The following ENSA variants were observed in gnomAD, a reference collection of about 807,000 sequenced individuals.
ENSA encodes endosulfine alpha, also known as alpha-endosulfine.
Under a neutral mutation model 16.8 loss-of-function variants are expected in ENSA, and 7 were observed. The observed-to-expected ratio is 0.42, with a 90% CI of 0.24 to 0.78. The LOEUF is 0.78. ENSA is among the 30% of genes least tolerant of loss of function. The pLI, the probability that ENSA is intolerant of heterozygous loss-of-function variation, is 0.29. For synonymous variants in ENSA, 58 were observed against 53.4 expected, an observed-to-expected ratio of 1.09 and a Z score of -0.37; for missense variants, 87 against 142.3, an observed-to-expected ratio of 0.61 and a Z score of 1.98.
chr1:150,624,098 T>G, intron 3 of ENSA: 7 of 985,448 alleles, frequency 7.1e-6, no homozygotes, highest in Non-Finnish European at 8.4e-6. Context: ...ACTAGCAAGT[T>G]GCGTTCAATA....
Position 150,629,397 on chromosome 1 carries a change from C to T in ENSA, c.57+17G>A, listed in dbSNP as rs1207803698. On this transcript the variant is annotated intron_variant, in intron 1 of 3. Transcript: ENST00000369014. ...ACGGTCTCCCCAGCTCGCCCGCCCG[C>T]ACCCCTTCCACTTCACCTGCTTCTC... is the stretch of plus-strand genomic sequence containing the variant. 6.2e-7 allele frequency: 1 copy of T among 1,610,956 alleles called. No individual in the cohort carries two copies. The highest frequency in any genetic ancestry group is 1.3e-5 in the African/African-American group (1 of 74,876).
intron 2 of ENSA, chr1:150,626,473 A>G (rs763703590): frequency 2.5e-6 from 4 of 1,611,496 alleles, no homozygotes; most frequent in Non-Finnish European, 3.4e-6. Context: ...GGGATGTTTC[A>G]CCCACCATTT....
rs587605662 is a variant in ENSA at position 150,622,951 on chromosome 1, T to C, written c.351-92A>G. The C allele has an allele frequency of 8.3e-6, 12 of 1,445,126 alleles. No individual in the cohort carries two copies. The South Asian group carries it at 1.4e-4, about 17-fold the overall frequency. The allele number at this position is 1,445,126 out of a possible 1,614,324, so 89.5% of individuals were successfully genotyped here. A position where few individuals can be genotyped will look rare whatever the true frequency, so the allele number is the denominator to read the frequency against. ...GAACTCCAACCCAGTCTCTACCCCATGATTCCTCCACATTTAACAACCATT... is the reference window on the plus strand; with the variant it reads ...GAACTCCAACCCAGTCTCTACCCCACGATTCCTCCACATTTAACAACCATT... On this transcript the variant is annotated intron_variant, in intron 3 of 3. Coordinates refer to ENST00000369014, the MANE Select transcript of ENSA (RefSeq NM_004436.4).
Position 150,622,841 on chromosome 1 carries a change from G to A in ENSA, c.*3C>T. 2 of 1,550,386 alleles carry A rather than the reference G, an allele frequency of 1.3e-6. No individual in the cohort carries two copies. Among genetic ancestry groups the A allele is most frequent in the Non-Finnish European group, 1.7e-6 (2 of 1,147,358 alleles). On this transcript the variant is annotated 3_prime_UTR_variant, in exon 4 of 4. Transcript: ENST00000369014. The stretch of plus-strand genomic sequence containing the variant: ...TCAGGATCTGGCAGAGCCCCGGGCA[G>A]CATCATTCAACTTGGCCACTGCGGA...
Position 150,622,487 on chromosome 1 carries a change from G to C in ENSA, c.*357C>G. The stretch of plus-strand genomic sequence containing the variant: ...CTCATACCTACCCCACATCAGCCAC[G>C]TGGTTAAGAAGGATAGTCAGGAATG... On this transcript the variant is annotated 3_prime_UTR_variant, in exon 4 of 4. Coordinates refer to ENST00000369014, the MANE Select transcript of ENSA (RefSeq NM_004436.4). The C allele has an allele frequency of 3.6e-6, 1 of 279,428 alleles. No homozygotes were observed. Among genetic ancestry groups the C allele is most frequent in the Middle Eastern group, 1.0e-3 (1 of 986 alleles). The allele number at this position is 279,428 out of a possible 1,614,324, so 17.3% of individuals were successfully genotyped here.
chr1:150,624,686 C>T (rs186736317), intron 3 of ENSA: 1 of 985,520 alleles, frequency 1.0e-6, no homozygotes, highest in Admixed American at 6.1e-5. Context: ...AATGGTTCCC[C>T]TCTGTAGTAC....
intron 2 of ENSA, chr1:150,627,237 C>A (rs587673684): frequency 1.3e-6 from 2 of 1,518,830 alleles, no homozygotes; most frequent in East Asian, 2.3e-5. Context: ...CCCCACACAC[C>A]CAAATGCTCC....
In ENSA at chr1:150,627,070, T is replaced by G. The variant is rs1022329103; in HGVS notation, c.183+397A>C. On this transcript the variant is annotated intron_variant, in intron 2 of 3. Transcript: ENST00000369014. ...ATTCATTTCAAGTTGAGGATTTATT[T>G]CTGTAGGAGAGATGGTTTGATCTTC... is the stretch of plus-strand genomic sequence containing the variant. 25 of 1,289,068 alleles carry G rather than the reference T, an allele frequency of 1.9e-5. No individual in the cohort carries two copies. The African/African-American group carries it at 3.7e-4, about 19-fold the overall frequency. 79.9% of individuals were successfully genotyped at this position (1,289,068 alleles called of 1,614,324 possible).
intron 3 of ENSA, chr1:150,624,771 G>A (rs1649184944): frequency 2.0e-5 from 20 of 985,412 alleles, no homozygotes; most frequent in Non-Finnish European, 2.4e-5. Context: ...GAACAGTATG[G>A]AGTTTTTCTG....
At chr1:150,629,369 A>T (rs960085006) in intron 1 of ENSA, 45 bp downstream of exon 1, 2 of 1,600,536 alleles carry the variant, frequency 1.2e-6, no homozygotes, top group Non-Finnish European at 1.7e-6. Flanking sequence ...CTCCCGCCCC[A>T]TCACGGTCTC....
Position 150,627,608 on chromosome 1 carries a change from G to A in ENSA, c.58-16C>T, listed in dbSNP as rs1321002556. The A allele has an allele frequency of 1.9e-6, 3 of 1,593,278 alleles. No homozygotes were observed. In the South Asian group the frequency reaches 3.4e-5, roughly 18 times the overall value. ...CCTGCGTGTCCTGGAGAAAACAAAT[G>A]AGCCAAATAAAATTAAAGACTGAGA... On this transcript the variant is annotated splice_polypyrimidine_tract_variant and intron_variant, in intron 1 of 3. Transcript: ENST00000369014.
In ENSA at chr1:150,629,330, G is replaced by A. The variant is rs1299246313; in HGVS notation, c.57+84C>T. ...AACCCCTGCGGAGCCTGAGACCATG[G>A]CGACCAATCCGCACTGGTGGGAGAC... On this transcript the variant is annotated intron_variant, in intron 1 of 3. Coordinates refer to ENST00000369014, the MANE Select transcript of ENSA (RefSeq NM_004436.4). 5 of 1,559,082 alleles carry A rather than the reference G, an allele frequency of 3.2e-6. No individual in the cohort carries two copies. In the African/African-American group the frequency reaches 5.4e-5, roughly 17 times the overall value.
At chr1:150,627,279 C>A in intron 2 of ENSA, 188 bp downstream of exon 2, 1 of 1,547,986 alleles carries the variant, frequency 6.5e-7, no homozygotes, top group South Asian at 1.3e-5. Context: ...CATGGGAAAT[C>A]AGGAGGGAAT....
intron 1 of ENSA, among the ~76,000 whole-genome samples, chr1:150,628,442 A>C (rs587659878): frequency 6.6e-6 from 1 of 152,246 alleles, no homozygotes; most frequent in African/African-American, 2.4e-5. Flanking sequence ...AGTTTTCATC[A>C]AAAAAATCAA....
chr1:150,622,903 A>G, intron 3 of ENSA, 44 bp from the exon 4 acceptor site: 1 of 1,539,150 alleles, frequency 6.5e-7, no homozygotes, highest in Non-Finnish European at 8.8e-7. Context: ...CAACACTGTC[A>G]AGTAATAGGG....
intron 3 of ENSA, chr1:150,624,389 T>A (rs1649161701): frequency 1.0e-6 from 1 of 985,808 alleles, no homozygotes; most frequent in African/African-American, 1.7e-5. Context: ...TCTTCCTCTT[T>A]CCCTAACAAT....
At position 150,625,700 on chromosome 1, in the gene ENSA, G is replaced by C; in HGVS notation, c.292C>G (p.Pro98Ala). Residue 98 changes from proline (P) to alanine (A), a missense_variant, in exon 3 of 4, where the codon CCC becomes GCC. By Grantham distance (27) the Pro-to-Ala change is conservative (BLOSUM62 -1). Transcript: ENST00000369014. ...DKNLVTGDHI[P>A]TPQDLPQRKS... ...CTCTGGGGCAGATCCTGTGGGGTGGGGATGTGATCACCAGTCACCAGGTTC... is the reference window on the plus strand; with the variant it reads ...CTCTGGGGCAGATCCTGTGGGGTGGCGATGTGATCACCAGTCACCAGGTTC... 6.2e-7 allele frequency: 1 copy of C among 1,612,954 alleles called. No individual in the cohort carries two copies. Among genetic ancestry groups the C allele is most frequent in the Non-Finnish European group, 8.5e-7 (1 of 1,179,514 alleles).
chr1:150,623,687 G>C (rs1334170923), intron 3 of ENSA: 1 of 985,420 alleles, frequency 1.0e-6, no homozygotes, highest in South Asian at 4.7e-5. Flanking sequence ...GGCTGGGACA[G>C]TTGAAGAAAC....
At chr1:150,626,734 T>C (rs1649352148) in intron 2 of ENSA, among the ~76,000 whole-genome samples, 1 of 152,176 alleles carries the variant, frequency 6.6e-6, no homozygotes, top group African/African-American at 2.4e-5. Context: ...GTGTTTGTAT[T>C]ATTAATAGAG....
Sources: gnomAD v4.1 joint callset for allele counts (sites outside exome capture counted in the v4.1 genomes callset) on GRCh38, gnomAD v4.1.1 for gene constraint, MANE v1.5 for transcripts, NCBI Gene and HGNC (gene_info 2026-07-23, HGNC 2026-07-21) for gene names.